The following ALOX5AP variants were observed in gnomAD, a reference collection of about 807,000 sequenced individuals.
The protein encoded by ALOX5AP is arachidonate 5-lipoxygenase activating protein, also known as arachidonate 5-lipoxygenase-activating protein.
ALOX5AP carries 9 observed loss-of-function variants against 18.5 expected under a neutral mutation model. The observed-to-expected ratio is 0.49, with a 90% CI of 0.29 to 0.85. ALOX5AP has a LOEUF of 0.85. Ranked by LOEUF, ALOX5AP falls within the 40% of genes least tolerant of loss-of-function variation. ALOX5AP has a pLI of 0.08. For synonymous variants in ALOX5AP, 81 were observed against 78.6 expected (o/e 1.03, Z -0.16); for missense variants, 172 against 202.5 (o/e 0.85, Z 0.91).
At chr13:30,759,115 G>A (rs1487611016) in intron 4 of ALOX5AP, among the ~76,000 whole-genome samples, 1 of 152,096 alleles carries the variant, frequency 6.6e-6, no homozygotes, top group African/African-American at 2.4e-5. Flanking sequence ...CACCCATGAT[G>A]CCCAGCCTGA....
intron 2 of ALOX5AP, among the ~76,000 whole-genome samples, chr13:30,750,029 G>A (rs1951839368): frequency 1.3e-5 from 2 of 152,164 alleles, no homozygotes; most frequent in Admixed American, 6.5e-5. Context: ...TCAAACGTCA[G>A]CAGGCATCAG....
In ALOX5AP at chr13:30,713,950, G is replaced by A. The variant is rs975947348; in HGVS notation, c.116+109G>A. 6 of 1,228,032 alleles carry A rather than the reference G, an allele frequency of 4.9e-6. No homozygotes were observed. The African/African-American group carries it at 6.0e-5, about 12-fold the overall frequency. 76.1% of individuals were successfully genotyped at this position (1,228,032 alleles called of 1,614,324 possible). The stretch of plus-strand genomic sequence containing the variant: ...TGTTCGGTGGTTTTTAAGAACCGAG[G>A]CTCCCAGAAGCAGTATTGGGCAGCT... On this transcript the variant is annotated intron_variant, in intron 1 of 5. Coordinates refer to the ALOX5AP transcript ENST00000617770.
intron 2 of ALOX5AP, among the ~76,000 whole-genome samples, chr13:30,750,255 T>A (rs1015144373): frequency 7.2e-5 from 11 of 152,204 alleles, no homozygotes; most frequent in African/African-American, 2.7e-4. Flanking sequence ...TCTCTCAGTT[T>A]TACAGATAAG....
Position 30,763,969 on chromosome 13 carries a change from C to T in ALOX5AP, c.349C>T (p.Arg117Cys), listed in dbSNP as rs201182270. The change falls in exon 5 of 5, where the codon CGC (arginine) becomes TGC (cysteine). Residue 117 changes from arginine to cysteine, a missense_variant. Transcript: ENST00000380490. ...CACCCCTGGCTACATATTTGGGAAA[C>T]GCATCATACTCTTCCTGTTCCTCAT... ...QSTPGYIFGK[R>C]IILFLFLMSV... The T allele has an allele frequency of 9.3e-6, 15 of 1,613,784 alleles. No individual in the cohort carries two copies. Among genetic ancestry groups the T allele is most frequent in the Admixed American group, 3.3e-5 (2 of 59,928 alleles).
At chr13:30,748,198 C>G (rs779156507) in intron 2 of ALOX5AP, among the ~76,000 whole-genome samples, 1 of 152,082 alleles carries the variant, frequency 6.6e-6, no homozygotes, top group Non-Finnish European at 1.5e-5. Flanking sequence ...AGATTACAGA[C>G]GTGAGCCACT....
chr13:30,717,389 T>C (rs534128455), intron 1 of ALOX5AP, among the ~76,000 whole-genome samples: 1 of 152,326 alleles, frequency 6.6e-6, no homozygotes, highest in South Asian at 2.1e-4. Context: ...GCTGGTGTCC[T>C]CCAATTTGAT....
intron 4 of ALOX5AP, among the ~76,000 whole-genome samples, chr13:30,757,418 A>G (rs1951905270): frequency 6.6e-6 from 1 of 152,058 alleles, no homozygotes; most frequent in Admixed American, 6.6e-5. Flanking sequence ...TGGCATTCTT[A>G]TTTATCCTCT....
chr13:30,724,253 T>A (rs1373528085), intron 1 of ALOX5AP, among the ~76,000 whole-genome samples: 1 of 152,272 alleles, frequency 6.6e-6, no homozygotes, highest in South Asian at 2.1e-4. Flanking sequence ...GATTCATCTA[T>A]GTTCTGTGCC....
At chr13:30,719,737 G>A (rs1029011142) in intron 1 of ALOX5AP, among the ~76,000 whole-genome samples, 7 of 152,214 alleles carry the variant, frequency 4.6e-5, no homozygotes, top group South Asian at 2.1e-4. Context: ...TGAGTGAGGC[G>A]ACTGGTCAGG....
intron 1 of ALOX5AP, among the ~76,000 whole-genome samples, chr13:30,717,494 C>A (rs1382355316): frequency 7.2e-5 from 11 of 152,216 alleles, no homozygotes; most frequent in Non-Finnish European, 1.5e-4. Context: ...TCTGACCAAT[C>A]CACTTCAAGT....
At chr13:30,721,410 C>T (rs780958844) in intron 1 of ALOX5AP, among the ~76,000 whole-genome samples, 1 of 152,162 alleles carries the variant, frequency 6.6e-6, no homozygotes, top group African/African-American at 2.4e-5. Flanking sequence ...CAGGCAGTGG[C>T]CCCGACATTT....
rs115856065 is a variant in ALOX5AP at position 30,725,161 on chromosome 13, C to T, written c.117-10390C>T. On this transcript the variant is annotated intron_variant, in intron 1 of 5. Transcript: ENST00000617770. ...AAGATGTCCGTGAGTTACAGATCTA[C>T]ACAAAATCACAGAGAGTGGTTAATC... is the stretch of plus-strand genomic sequence containing the variant. Among the ~76,000 whole-genome samples, 794 of 152,292 alleles carry T rather than the reference C, an allele frequency of 5.2e-3. 5 individuals carry two copies. The highest frequency in any genetic ancestry group is 0.018 in the African/African-American group (768 of 41,566).
upstream of ALOX5AP, among the ~76,000 whole-genome samples, chr13:30,732,209 A>G (rs1951687194): frequency 1.3e-5 from 2 of 152,100 alleles, no homozygotes; most frequent in Admixed American, 6.5e-5. Flanking sequence ...CGACCTTCTA[A>G]AGCGCGAATG....
At chr13:30,729,059 T>C (rs753485000) in intron 1 of ALOX5AP, among the ~76,000 whole-genome samples, 2 of 152,228 alleles carry the variant, frequency 1.3e-5, no homozygotes. Flanking sequence ...CATCTTTTCA[T>C]GCACCTATTG....
chr13:30,725,442 C>T (rs1397874160), intron 1 of ALOX5AP, among the ~76,000 whole-genome samples: 1 of 152,250 alleles, frequency 6.6e-6, no homozygotes, highest in East Asian at 1.9e-4. Context: ...TATATCATGG[C>T]CATGGGGGCA....
chr13:30,721,152 T>C (rs371548678), intron 1 of ALOX5AP, among the ~76,000 whole-genome samples: 1 of 152,324 alleles, frequency 6.6e-6, no homozygotes, highest in African/African-American at 2.4e-5. Flanking sequence ...CACTTCTCTC[T>C]TCTTTATCAG....
At chr13:30,761,607 T>C (rs1389258335) in intron 4 of ALOX5AP, among the ~76,000 whole-genome samples, 1 of 152,232 alleles carries the variant, frequency 6.6e-6, no homozygotes, top group Non-Finnish European at 1.5e-5. Flanking sequence ...AACAAAGCAC[T>C]GCAGCCTGGG....
At chr13:30,752,607 G>T (rs879533577) in intron 3 of ALOX5AP, among the ~76,000 whole-genome samples, 2 of 152,242 alleles carry the variant, frequency 1.3e-5, no homozygotes, top group Non-Finnish European at 2.9e-5. Flanking sequence ...ACTTGAGCAA[G>T]TTGGAAAGAC....
intron 1 of ALOX5AP, among the ~76,000 whole-genome samples, chr13:30,715,110 T>G (rs9579641): frequency 0.18 from 26,768 of 152,010 alleles, 3,417 homozygotes; most frequent in African/African-American, 0.35. Context: ...AGTCCCCTGG[T>G]CATTCAGAAA....
Sources: gnomAD v4.1 joint callset for allele counts (sites outside exome capture counted in the v4.1 genomes callset) on GRCh38, gnomAD v4.1.1 for gene constraint, MANE v1.5 for transcripts, NCBI Gene and HGNC (gene_info 2026-07-23, HGNC 2026-07-21) for gene names.